The following C1orf21 variants were observed in gnomAD, a reference collection of about 807,000 sequenced individuals.
C1orf21 encodes the protein uncharacterized protein C1orf21.
Under a neutral mutation model 18.7 loss-of-function variants are expected in C1orf21, and 3 were observed. The observed-to-expected ratio is 0.16, with a 90% CI of 0.07 to 0.42. The LOEUF is 0.42. Ranked by LOEUF, C1orf21 falls within the 10% of genes least tolerant of loss-of-function variation. The pLI, the probability that C1orf21 is intolerant of heterozygous loss-of-function variation, is 0.99. For synonymous variants in C1orf21, 41 were observed against 46.4 expected (o/e 0.88, Z 0.47); for missense variants, 104 against 143.6 (o/e 0.72, Z 1.41).
rs182734769 is a variant in C1orf21 at position 184,532,820 on chromosome 1, C to A, written c.189+25138C>A. On this transcript the variant is annotated intron_variant, in intron 3 of 5. Coordinates refer to ENST00000235307, the MANE Select transcript of C1orf21 (RefSeq NM_030806.4). ...TTTTATTGTAGAAAAATTTTGAAAC[C>A]ACTGGACCAAGTCAGAAAAATGAGG... is the stretch of plus-strand genomic sequence containing the variant. 2.3e-3 allele frequency among the ~76,000 whole-genome samples: 346 copies of A among 152,216 alleles called. 3 individuals are homozygous for A. The highest frequency in any genetic ancestry group is 7.9e-3 in the African/African-American group (330 of 41,546).
chr1:184,435,468 C>T (rs59688287), intron 1 of C1orf21, among the ~76,000 whole-genome samples: 10,939 of 152,166 alleles, frequency 0.072, 564 homozygotes, highest in African/African-American at 0.14. Context: ...CTCAGCCTCC[C>T]GAGTAGCTGG....
At chr1:184,452,094 G>A (rs1205045939) in intron 1 of C1orf21, among the ~76,000 whole-genome samples, 1 of 152,130 alleles carries the variant, frequency 6.6e-6, no homozygotes, top group African/African-American at 2.4e-5. Flanking sequence ...TAGTAGTGTG[G>A]AATGCTTTCC....
chr1:184,534,938 C>T (rs1340532997), intron 3 of C1orf21, among the ~76,000 whole-genome samples: 3 of 151,886 alleles, frequency 2.0e-5, no homozygotes, highest in Non-Finnish European at 2.9e-5. Flanking sequence ...GGAGTATAGT[C>T]CAAGGTAGTG....
chr1:184,561,992 C>T (rs970164482), intron 3 of C1orf21, among the ~76,000 whole-genome samples: 1 of 152,032 alleles, frequency 6.6e-6, no homozygotes, highest in Non-Finnish European at 1.5e-5. Flanking sequence ...TTTTCACCCA[C>T]CAAAAGGCCT....
intron 1 of C1orf21, among the ~76,000 whole-genome samples, chr1:184,429,105 A>G (rs907321093): frequency 1.3e-4 from 20 of 152,198 alleles, no homozygotes; most frequent in Non-Finnish European, 2.2e-4. Flanking sequence ...TAAGTGCCCA[A>G]TGAGTGCTAA....
At chr1:184,482,224 C>T (rs1344233217) in intron 2 of C1orf21, among the ~76,000 whole-genome samples, 1 of 152,118 alleles carries the variant, frequency 6.6e-6, no homozygotes, top group East Asian at 1.9e-4. Context: ...CTCAGCTATC[C>T]CAGATGGATT....
chr1:184,402,105 A>T lies in C1orf21; in HGVS notation c.-125+14737A>T, dbSNP rs981614353. Reference sequence around the variant, plus strand: ...CAATACCTAATTGAATATCCATTTTAAAATTTCAGTTAATTAAAATTAAAT... The same window carrying T: ...CAATACCTAATTGAATATCCATTTTTAAATTTCAGTTAATTAAAATTAAAT... On this transcript the variant is annotated intron_variant, in intron 1 of 5. Coordinates refer to ENST00000235307, the MANE Select transcript of C1orf21 (RefSeq NM_030806.4). Among the ~76,000 whole-genome samples, 3 of 152,212 alleles carry T rather than the reference A, an allele frequency of 2.0e-5. No individual in the cohort carries two copies. The East Asian group carries it at 5.8e-4, about 29-fold the overall frequency.
rs569333651 is a variant in C1orf21, at chr1:184,444,115, C to T, written c.-124-33271C>T. On this transcript the variant is annotated intron_variant, in intron 1 of 5. Transcript: ENST00000235307. ...CAATGAAGACATTCTGGAAAGAGAT[C>T]CCAGGGCCTAATTGTCAGCCTCTGC... 1.1e-3 allele frequency among the ~76,000 whole-genome samples: 174 copies of T among 152,220 alleles called. 1 individual carries two copies. The highest frequency in any genetic ancestry group is 3.4e-3 in the Middle Eastern group (1 of 294).
intron 4 of C1orf21, among the ~76,000 whole-genome samples, chr1:184,593,430 G>T (rs982072935): frequency 3.9e-5 from 6 of 152,194 alleles, no homozygotes; most frequent in African/African-American, 1.2e-4. Context: ...TCAATTTACT[G>T]TACTGATGCA....
rs115548246 is a variant in C1orf21, at chr1:184,608,310, G to A, written c.327+9849G>A. ...GTGTTTTTTGACAAAGTGTCAAATA[G>A]AAAAAACAAAGATTACACAGTGGTC... On this transcript the variant is annotated intron_variant, in intron 5 of 5. Transcript: ENST00000235307. Among the ~76,000 whole-genome samples, 1,077 of 152,274 alleles carry A rather than the reference G, an allele frequency of 7.1e-3. 15 individuals are homozygous for A. Among genetic ancestry groups the A allele is most frequent in the African/African-American group, 0.024 (1,017 of 41,548 alleles).
chr1:184,462,681 A>G (rs1277310697), intron 1 of C1orf21, among the ~76,000 whole-genome samples: 1 of 152,204 alleles, frequency 6.6e-6, no homozygotes. Context: ...AATAAATAAA[A>G]CTAAGTAGTT....
At chr1:184,532,042 G>A (rs150751244) in intron 3 of C1orf21, among the ~76,000 whole-genome samples, 2 of 146,860 alleles carry the variant, frequency 1.4e-5, no homozygotes, top group African/African-American at 2.5e-5. Context: ...TTTCATGTAG[G>A]TTTTTTTTTT....
At chr1:184,550,170 T>C (rs570619191) in intron 3 of C1orf21, among the ~76,000 whole-genome samples, 1 of 152,324 alleles carries the variant, frequency 6.6e-6, no homozygotes, top group South Asian at 2.1e-4. Flanking sequence ...GACTATTGAA[T>C]CTTGTTTTGT....
At chr1:184,493,907 T>C (rs1657852594) in intron 2 of C1orf21, among the ~76,000 whole-genome samples, 1 of 152,232 alleles carries the variant, frequency 6.6e-6, no homozygotes, top group African/African-American at 2.4e-5. Flanking sequence ...GATGGAACTC[T>C]GAAAATTAAA....
intron 5 of C1orf21, among the ~76,000 whole-genome samples, chr1:184,601,333 T>C (rs979642305): frequency 2.6e-5 from 4 of 152,184 alleles, no homozygotes; most frequent in African/African-American, 7.2e-5. Context: ...ATGGCTTGAA[T>C]TTACCTTCTA....
At chr1:184,520,493 T>C (rs919174646) in intron 3 of C1orf21, among the ~76,000 whole-genome samples, 2 of 152,142 alleles carry the variant, frequency 1.3e-5, no homozygotes, top group African/African-American at 4.8e-5. Context: ...TGAGGCACAA[T>C]GAAACCTAAA....
chr1:184,505,117 C>T (rs1207791291), intron 2 of C1orf21, among the ~76,000 whole-genome samples: 2 of 151,718 alleles, frequency 1.3e-5, no homozygotes, highest in South Asian at 2.1e-4. Context: ...CTGCACTAGT[C>T]TGTGGCTTGG....
In C1orf21 at chr1:184,619,557, C is replaced by T. The variant is rs1472469482; in HGVS notation, c.*1C>T. ...TTCGGAAGAAGAGGATATCACATAG[C>T]ACCAATTTTACCACTCAAACCAGGA... On this transcript the variant is annotated 3_prime_UTR_variant, in exon 6 of 6. Coordinates refer to ENST00000235307, the MANE Select transcript of C1orf21 (RefSeq NM_030806.4). 2.5e-6 allele frequency: 4 copies of T among 1,613,450 alleles called. No individual in the cohort carries two copies. The Admixed American group carries it at 6.7e-5, about 27-fold the overall frequency.
intron 2 of C1orf21, among the ~76,000 whole-genome samples, chr1:184,492,679 T>TTGGC (rs1347992537): frequency 1.3e-5 from 2 of 152,208 alleles, no homozygotes; most frequent in African/African-American, 4.8e-5. Flanking sequence ...TGCTTCCACC[T>TTGGC]TGGCTGGCTG....
Sources: allele counts gnomAD v4.1 joint callset (sites outside exome capture counted in the v4.1 genomes callset), GRCh38; gene constraint gnomAD v4.1.1; transcripts MANE v1.5; gene names NCBI Gene and HGNC (gene_info 2026-07-23, HGNC 2026-07-21).